The following VWA8 variants were observed in gnomAD, a reference collection of about 807,000 sequenced individuals.
VWA8 encodes the protein von Willebrand factor A domain containing 8, also known as von Willebrand factor A domain-containing protein 8.
In VWA8, 221 loss-of-function variants were observed where a neutral mutation model predicts 241.5. The ratio of observed to expected loss-of-function variants is 0.91; its 90% CI spans 0.82 to 1.02. The LOEUF (loss-of-function observed/expected upper bound fraction) is 1.02, where lower values mean the gene tolerates loss of function less well. Ranked by LOEUF, VWA8 falls within the 50% of genes least tolerant of loss-of-function variation. VWA8 has a pLI of 0.00. For missense variants in VWA8, 2,322 were observed against 2,328.7 expected (o/e 1.00, Z 0.06); for synonymous variants, 852 against 827.1 (o/e 1.03, Z -0.52).
intron 2 of VWA8, among the ~76,000 whole-genome samples, chr13:41,931,634 C>A (rs1877126030): frequency 6.6e-6 from 1 of 151,662 alleles, no homozygotes; most frequent in Admixed American, 6.6e-5. Flanking sequence ...TAATTTGCTT[C>A]ACTATAGTAA....
intron 2 of VWA8, among the ~76,000 whole-genome samples, chr13:41,949,688 G>A (rs1878034810): frequency 6.6e-6 from 1 of 151,988 alleles, no homozygotes; most frequent in African/African-American, 2.4e-5. Flanking sequence ...AGAAACAGTA[G>A]GATGTGAGAA....
At chr13:41,736,955 T>C (rs2045530448) in intron 21 of VWA8, among the ~76,000 whole-genome samples, 2 of 151,198 alleles carry the variant, frequency 1.3e-5, no homozygotes, top group South Asian at 4.2e-4. Context: ...GTGATTCTCC[T>C]GCCTCAGCCT....
chr13:41,686,503 C>T (rs1051386728), intron 34 of VWA8, among the ~76,000 whole-genome samples: 3 of 151,230 alleles, frequency 2.0e-5, no homozygotes, highest in African/African-American at 7.3e-5. Flanking sequence ...AAGTCTTTTG[C>T]TCATTTTTTT....
intron 12 of VWA8, among the ~76,000 whole-genome samples, chr13:41,863,447 ATATATATT>A (rs1355971044): frequency 3.6e-5 from 4 of 111,542 alleles, no homozygotes; most frequent in African/African-American, 1.2e-4. Context: ...ATATATATAT[ATATATATT>A]CACACACACA....
At chr13:41,710,478 G>A (rs977597131) in intron 26 of VWA8, among the ~76,000 whole-genome samples, 9 of 152,186 alleles carry the variant, frequency 5.9e-5, no homozygotes, top group Non-Finnish European at 8.8e-5. Context: ...TTCATAATAT[G>A]CCAAGAGAAT....
chr13:41,767,068 T>C (rs754205881), intron 20 of VWA8, among the ~76,000 whole-genome samples: 17 of 152,196 alleles, frequency 1.1e-4, no homozygotes, highest in Non-Finnish European at 2.2e-4. Context: ...TCTCTGAAAC[T>C]TGTTTACTGT....
chr13:41,573,108 CA>C (rs71086585), intron 43 of VWA8, among the ~76,000 whole-genome samples: 4,909 of 72,402 alleles, frequency 0.068, 235 homozygotes, highest in African/African-American at 0.21. Context: ...GACACCGTTT[CA>C]AAAAAAAAAA....
intron 20 of VWA8, among the ~76,000 whole-genome samples, chr13:41,769,897 T>C (rs969827968): frequency 2.6e-5 from 4 of 152,342 alleles, no homozygotes; most frequent in Middle Eastern, 3.4e-3. Flanking sequence ...TAACCAATTA[T>C]GGATGAAATC....
At chr13:41,652,118 A>G (rs933060185) in intron 37 of VWA8, among the ~76,000 whole-genome samples, 1 of 152,220 alleles carries the variant, frequency 6.6e-6, no homozygotes, top group African/African-American at 2.4e-5. Flanking sequence ...TATATGGGGC[A>G]CAACTTCCTG....
At chr13:41,790,140 AAAG>A (rs1156397457) in intron 17 of VWA8, among the ~76,000 whole-genome samples, 9 of 152,174 alleles carry the variant, frequency 5.9e-5, no homozygotes, top group African/African-American at 2.2e-4. Flanking sequence ...AGAAAAGCCT[AAAG>A]AAGGTCTCAA....
chr13:41,724,545 A>G (rs80315731), intron 24 of VWA8, among the ~76,000 whole-genome samples: 2,894 of 152,216 alleles, frequency 0.019, 94 homozygotes, highest in African/African-American at 0.065. Flanking sequence ...GGGAATGTGA[A>G]CAGTTTACCT....
At chr13:41,873,056 T>G (rs918915485) in intron 9 of VWA8, among the ~76,000 whole-genome samples, 3 of 152,262 alleles carry the variant, frequency 2.0e-5, no homozygotes, top group African/African-American at 7.2e-5. Flanking sequence ...GGTATTTTAT[T>G]CTCTTTGAAG....
intron 9 of VWA8, among the ~76,000 whole-genome samples, chr13:41,875,364 T>C (rs1199402648): frequency 2.6e-5 from 4 of 152,192 alleles, no homozygotes; most frequent in Admixed American, 2.0e-4. Flanking sequence ...GCACTCCACA[T>C]TTTTTGTCCC....
rs868462178 is a variant in VWA8 at position 41,575,724 on chromosome 13, A to G, written c.5370+16T>C. 7.0e-6 allele frequency: 11 copies of G among 1,575,032 alleles called. No homozygotes were observed. The Middle Eastern group carries it at 1.3e-3, about 190-fold the overall frequency. ...ATAGAAGCTTTCATAATACAGAGGT[A>G]ATAAAATATATTTACCTTCAGAATT... On this transcript the variant is annotated intron_variant, in intron 43 of 44. Transcript: ENST00000379310.
chr13:41,911,622 T>C (rs1876003839), intron 3 of VWA8, among the ~76,000 whole-genome samples: 1 of 152,214 alleles, frequency 6.6e-6, no homozygotes. Flanking sequence ...ACCTTAGGCT[T>C]CCTTTAAAGA....
intron 35 of VWA8, among the ~76,000 whole-genome samples, chr13:41,681,278 T>A (rs2045096442): frequency 6.6e-6 from 1 of 152,180 alleles, no homozygotes; most frequent in Non-Finnish European, 1.5e-5. Context: ...TATTCAGAGT[T>A]GAGCCCCATC....
At chr13:41,889,609 C>T (rs1874726349) in intron 5 of VWA8, among the ~76,000 whole-genome samples, 1 of 152,148 alleles carries the variant, frequency 6.6e-6, no homozygotes, top group African/African-American at 2.4e-5. Flanking sequence ...GAACTCCTGA[C>T]CTCAGGTGAT....
chr13:41,830,128 G>A (rs1167398768), intron 14 of VWA8, among the ~76,000 whole-genome samples: 1 of 151,198 alleles, frequency 6.6e-6, no homozygotes, highest in Non-Finnish European at 1.5e-5. Flanking sequence ...CTGTGTTCCT[G>A]GCTACTTGGG....
rs187280660 is a variant in VWA8 at position 41,919,297 on chromosome 13, G to A, written c.242-7129C>T. ...GTAAGCAGAAGGACACTACCAGCTC[G>A]CATCACTACTATGGATACCTGCAGT... On this transcript the variant is annotated intron_variant, in intron 2 of 44. Coordinates refer to ENST00000379310, the MANE Select transcript of VWA8 (RefSeq NM_015058.2). 1.8e-3 allele frequency among the ~76,000 whole-genome samples: 270 copies of A among 152,230 alleles called. 1 individual carries two copies. The highest frequency in any genetic ancestry group is 6.2e-3 in the African/African-American group (259 of 41,524).
Sources: gnomAD v4.1 joint callset for allele counts (sites outside exome capture counted in the v4.1 genomes callset) on GRCh38, gnomAD v4.1.1 for gene constraint, MANE v1.5 for transcripts, NCBI Gene and HGNC (gene_info 2026-07-23, HGNC 2026-07-21) for gene names.